Variants in ZNF536 observed in about 807,000 individuals in gnomAD.
The protein encoded by ZNF536 is zinc finger protein 536.
In ZNF536, 13 loss-of-function variants were observed where a neutral mutation model predicts 84.5. The observed-to-expected ratio is 0.15, with a 90% CI of 0.10 to 0.24. The LOEUF is 0.24. Ranked by LOEUF, ZNF536 falls within the 10% of genes least tolerant of loss-of-function variation. The probability of loss-of-function intolerance (pLI) is 1.00; values close to 1 mark genes in which losing one functional copy is unlikely to be tolerated. For synonymous variants in ZNF536, 811 were observed against 742.5 expected, an observed-to-expected ratio of 1.09 and a Z score of -1.50; for missense variants, 1,536 against 1,747.5, an observed-to-expected ratio of 0.88 and a Z score of 2.16.
chr19:30,337,788 G>A (rs12977050), intron 2 of ZNF536, among the ~76,000 whole-genome samples: 38,806 of 152,112 alleles, frequency 0.26, 5,236 homozygotes, highest in East Asian at 0.41. Flanking sequence ...AAAGCGAATA[G>A]CAGAAATGAA....
chr19:30,412,551 A>G (rs2050538475), intron 1 of ZNF536, among the ~76,000 whole-genome samples: 1 of 152,050 alleles, frequency 6.6e-6, no homozygotes, highest in Non-Finnish European at 1.5e-5. Context: ...CATATGGTTC[A>G]TTTCACTAAT....
chr19:30,548,048 G>A lies in ZNF536; in HGVS notation c.2429G>A (p.Gly810Glu), dbSNP rs2146179467. ...CATCGGGAGCGGCAGAACGGGGCTG[G>A]GCCGCTGTCTGGGCAACCCCCAAAT... ...RHHRERQNGA[G>E]PLSGQPPNQD... The change falls in exon 4 of 5, where the codon GGG becomes GAG. Residue 810 changes from glycine to glutamate, a missense_variant. This residue lies in a region of ZNF536 where 148 missense variants were observed against 205.4 expected (regional missense o/e 0.72). Coordinates refer to ENST00000355537, the MANE Select transcript of ZNF536 (RefSeq NM_014717.3). 2 of 1,614,064 alleles carry A rather than the reference G, an allele frequency of 1.2e-6. No individual in the cohort carries two copies. The highest frequency in any genetic ancestry group is 1.7e-5 in the Admixed American group (1 of 60,006).
chr19:30,516,010 G>A (rs1438355249), intron 2 of ZNF536, among the ~76,000 whole-genome samples: 19 of 133,454 alleles, frequency 1.4e-4, no homozygotes, highest in Admixed American at 2.5e-4. Flanking sequence ...CTGGGTGACA[G>A]AGTGAGACTC....
chr19:30,619,515 C>T (rs1207667080), intron 1 of ZNF536, among the ~76,000 whole-genome samples: 2 of 152,120 alleles, frequency 1.3e-5, no homozygotes, highest in African/African-American at 4.8e-5. Context: ...GTGTTGTCCC[C>T]AGAGAAGGGA....
At chr19:30,616,330 G>T (rs1261818778) in intron 1 of ZNF536, among the ~76,000 whole-genome samples, 1 of 152,140 alleles carries the variant, frequency 6.6e-6, no homozygotes, top group Non-Finnish European at 1.5e-5. Context: ...ATCCTTCTAT[G>T]ACTATTTGGT....
intron 1 of ZNF536, among the ~76,000 whole-genome samples, chr19:30,599,586 G>A (rs937496371): frequency 6.6e-6 from 1 of 150,826 alleles, no homozygotes; most frequent in African/African-American, 2.4e-5. Flanking sequence ...ATTGAGCCTG[G>A]CCTGTGTGAC....
chr19:30,318,049 C>G (rs1379483448), intron 2 of ZNF536, among the ~76,000 whole-genome samples: 1 of 152,180 alleles, frequency 6.6e-6, no homozygotes, highest in East Asian at 1.9e-4. Context: ...TCCACAGTGG[C>G]ACGCAGGATA....
intron 2 of ZNF536, among the ~76,000 whole-genome samples, chr19:30,347,511 G>A (rs1600321379): frequency 1.3e-5 from 2 of 152,218 alleles, no homozygotes; most frequent in Admixed American, 6.5e-5. Flanking sequence ...CCAGGGCCAT[G>A]AGCCAAGCTC....
chr19:30,651,715 G>A (rs1006405866), intron 1 of ZNF536, among the ~76,000 whole-genome samples: 2 of 152,112 alleles, frequency 1.3e-5, no homozygotes, highest in Non-Finnish European at 2.9e-5. Context: ...AGAATTGTTG[G>A]GTATCGTATG....
At chr19:30,455,736 T>C (rs1210129878) in intron 2 of ZNF536, among the ~76,000 whole-genome samples, 1 of 152,230 alleles carries the variant, frequency 6.6e-6, no homozygotes, top group African/African-American at 2.4e-5. Flanking sequence ...TAGAAACATT[T>C]GAATTATTCT....
chr19:30,372,744 C>T (rs978950601), intron 1 of ZNF536, among the ~76,000 whole-genome samples, 188 bp downstream of exon 1: 1 of 152,060 alleles, frequency 6.6e-6, no homozygotes, highest in Non-Finnish European at 1.5e-5. Flanking sequence ...AATTATAGCC[C>T]TTTAAATTTA....
chr19:30,370,552 G>T (rs937336990), upstream of ZNF536, among the ~76,000 whole-genome samples: 1 of 152,128 alleles, frequency 6.6e-6, no homozygotes, highest in Non-Finnish European at 1.5e-5. Context: ...GCACAATCCA[G>T]GCAAAACAGA....
intron 1 of ZNF536, among the ~76,000 whole-genome samples, chr19:30,251,026 T>C (rs754685210): frequency 6.6e-6 from 1 of 152,152 alleles, no homozygotes; most frequent in South Asian, 2.1e-4. Context: ...TTGATACCCA[T>C]GACCCGGTCT....
At chr19:30,641,636 T>A (rs982453264) in intron 1 of ZNF536, among the ~76,000 whole-genome samples, 18 of 152,220 alleles carry the variant, frequency 1.2e-4, no homozygotes, top group Admixed American at 7.9e-4. Flanking sequence ...ATCTTCACCC[T>A]CGTGCTTTAG....
rs1223285474 is a variant in ZNF536, at chr19:30,600,328, A to G, written c.169+50814A>G. Reference sequence around the variant, plus strand: ...GGCTGGTCTTGGAACTTCTGACCTCAAGCAATCCATGCACCTGGGGCTCCC... The same window carrying G: ...GGCTGGTCTTGGAACTTCTGACCTCGAGCAATCCATGCACCTGGGGCTCCC... On this transcript the variant is annotated intron_variant, in intron 1 of 1. Coordinates refer to the ZNF536 transcript ENST00000592773. 3.9e-5 allele frequency among the ~76,000 whole-genome samples: 6 copies of G among 152,256 alleles called. No individual in the cohort carries two copies. The East Asian group carries it at 1.2e-3, about 29-fold the overall frequency.
intron 1 of ZNF536, among the ~76,000 whole-genome samples, chr19:30,268,231 G>T (rs1417064484): frequency 1.3e-5 from 2 of 152,058 alleles, no homozygotes; most frequent in African/African-American, 4.8e-5. Flanking sequence ...ACCCACTTTA[G>T]TGGTGACCTG....
intron 1 of ZNF536, among the ~76,000 whole-genome samples, chr19:30,674,800 C>A (rs1461489483): frequency 6.6e-6 from 1 of 152,146 alleles, no homozygotes. Context: ...AGGTAGGCAG[C>A]TTTTTGCATT....
intron 1 of ZNF536, among the ~76,000 whole-genome samples, chr19:30,659,154 G>A (rs1349842671): frequency 1.3e-5 from 2 of 152,194 alleles, no homozygotes; most frequent in East Asian, 3.8e-4. Context: ...CTGAGACTGG[G>A]TAATTTATAA....
intron 2 of ZNF536, among the ~76,000 whole-genome samples, chr19:30,329,656 C>G (rs182590810): frequency 1.6e-4 from 24 of 152,302 alleles, no homozygotes; most frequent in Non-Finnish European, 3.1e-4. Flanking sequence ...AGGCGTGATA[C>G]AGACAAAAGT....
Sources: gnomAD v4.1 joint callset for allele counts (sites outside exome capture counted in the v4.1 genomes callset) on GRCh38, gnomAD v4.1.1 for gene constraint, gnomAD v4.1.1 regional missense constraint, MANE v1.5 for transcripts, NCBI Gene and HGNC (gene_info 2026-07-23, HGNC 2026-07-21) for gene names.